Variants in FRAS1 observed in about 807,000 individuals in gnomAD.
The protein encoded by FRAS1 is Fraser extracellular matrix complex subunit 1.
In FRAS1, 290 loss-of-function variants were observed where a neutral mutation model predicts 435.2. The observed-to-expected ratio is 0.67, with a 90% CI of 0.61 to 0.73. The LOEUF (loss-of-function observed/expected upper bound fraction) is 0.73. Among genes scored for constraint, FRAS1 ranks in the 30% least tolerant of loss-of-function variants. The probability of loss-of-function intolerance (pLI) is 0.00; values close to 1 mark genes in which losing one functional copy is unlikely to be tolerated. For synonymous variants in FRAS1, 1,800 were observed against 1,851.0 expected (o/e 0.97, Z 0.71); for missense variants, 4,860 against 5,001.5 (o/e 0.97, Z 0.85).
At chr4:78,274,013 G>A (rs990569427) in intron 9 of FRAS1, among the ~76,000 whole-genome samples, 1 of 152,066 alleles carries the variant, frequency 6.6e-6, no homozygotes, top group African/African-American at 2.4e-5. Flanking sequence ...TTCAATTCAG[G>A]GATTCAACTT....
At chr4:78,121,619 A>C (rs1419869481) in intron 2 of FRAS1, among the ~76,000 whole-genome samples, 1 of 152,226 alleles carries the variant, frequency 6.6e-6, no homozygotes, top group Non-Finnish European at 1.5e-5. Flanking sequence ...TATGTAGGCA[A>C]GGGATGTTTT....
At chr4:78,344,991 G>C (rs1440705750) in intron 20 of FRAS1, among the ~76,000 whole-genome samples, 1 of 152,082 alleles carries the variant, frequency 6.6e-6, no homozygotes, top group South Asian at 2.1e-4. Context: ...GGCAAATATT[G>C]GAAGAATCTA....
intron 32 of FRAS1, among the ~76,000 whole-genome samples, chr4:78,416,244 G>C (rs1267741489): frequency 6.6e-6 from 1 of 151,692 alleles, no homozygotes; most frequent in African/African-American, 2.4e-5. Context: ...GTAGAATGTA[G>C]TCAAAAGAAG....
rs143031924 is a variant in FRAS1 at position 78,485,811 on chromosome 4, G to T, written c.8753-3064G>T. On this transcript the variant is annotated intron_variant, in intron 58 of 73. Transcript: ENST00000512123. ...GTCTTCTGGTTTCATATCCTACTAC[G>T]CTGACTCTTCACATTTCAGTTTCAG... Among the ~76,000 whole-genome samples the T allele has an allele frequency of 3.3e-3, 496 of 152,216 alleles. 5 individuals are homozygous for T. The highest frequency in any genetic ancestry group is 0.011 in the African/African-American group (458 of 41,542).
chr4:78,539,362 T>G lies in FRAS1; in HGVS notation c.11367T>G (p.Ser3789=). The change falls in exon 73 of 74, where the codon TCT becomes TCG. Residue 3789 remains serine (S), a synonymous_variant. Coordinates refer to ENST00000512123, the MANE Select transcript of FRAS1 (RefSeq NM_025074.7). ...HDVPFEAHFA[S]ELPDFHVVSN... ...TGCCTTTTGAGGCTCACTTTGCCTC[T>G]GAGTTGCCTGATTTCCATGTGGTCA... is the stretch of plus-strand genomic sequence containing the variant. 1.9e-6 allele frequency: 3 copies of G among 1,613,240 alleles called. No homozygotes were observed. The highest frequency in any genetic ancestry group is 2.5e-6 in the Non-Finnish European group (3 of 1,179,512).
chr4:78,452,690 T>G (rs1245901949), intron 47 of FRAS1, among the ~76,000 whole-genome samples: 2 of 152,250 alleles, frequency 1.3e-5, no homozygotes, highest in East Asian at 1.9e-4. Context: ...CAAGGCATTC[T>G]GCATGGCTTA....
chr4:78,207,737 A>G (rs1723323420), intron 2 of FRAS1, among the ~76,000 whole-genome samples: 1 of 152,226 alleles, frequency 6.6e-6, no homozygotes, highest in Non-Finnish European at 1.5e-5. Context: ...TCAAGCTCCT[A>G]TAACTTCTTC....
intron 2 of FRAS1, among the ~76,000 whole-genome samples, chr4:78,115,964 T>G (rs1439289765): frequency 6.6e-6 from 1 of 152,228 alleles, no homozygotes; most frequent in African/African-American, 2.4e-5. Context: ...CTTGTGGACA[T>G]TTAGTGCTAT....
intron 2 of FRAS1, among the ~76,000 whole-genome samples, chr4:78,203,980 C>G (rs1430264144): frequency 1.3e-5 from 2 of 152,156 alleles, no homozygotes; most frequent in African/African-American, 4.8e-5. Flanking sequence ...AAACATAGTG[C>G]TAGAGGGCTG....
chr4:78,484,548 G>A (rs1203156352), intron 58 of FRAS1, among the ~76,000 whole-genome samples: 2 of 152,038 alleles, frequency 1.3e-5, no homozygotes, highest in Non-Finnish European at 2.9e-5. Flanking sequence ...CTAACCCAAG[G>A]TAACAAAGAT....
chr4:78,363,470 C>G, intron 20 of FRAS1, 43 bp from the exon 21 acceptor site: 2 of 1,568,692 alleles, frequency 1.3e-6, no homozygotes, highest in Non-Finnish European at 1.7e-6. Context: ...ACTTTGTGCT[C>G]ATGAGCACCC....
At chr4:78,526,807 C>A in intron 70 of FRAS1, 150 bp downstream of exon 70, 2 of 576,666 alleles carry the variant, frequency 3.5e-6, no homozygotes, top group South Asian at 2.5e-5. Flanking sequence ...ACATTTGAGT[C>A]ACTTAACACA....
chr4:78,119,807 G>A (rs1178701954), intron 2 of FRAS1, among the ~76,000 whole-genome samples: 1 of 152,168 alleles, frequency 6.6e-6, no homozygotes, highest in African/African-American at 2.4e-5. Context: ...TTCTGATACT[G>A]GTCCATGGAC....
At chr4:78,409,989 G>C (rs1733270171) in intron 31 of FRAS1, among the ~76,000 whole-genome samples, 1 of 152,202 alleles carries the variant, frequency 6.6e-6, no homozygotes, top group Non-Finnish European at 1.5e-5. Flanking sequence ...TGAGCACACT[G>C]AATTTCCAAT....
At chr4:78,306,335 T>C (rs1016723726) in intron 14 of FRAS1, among the ~76,000 whole-genome samples, 2 of 150,166 alleles carry the variant, frequency 1.3e-5, no homozygotes, top group African/African-American at 4.9e-5. Flanking sequence ...CTGACAATTA[T>C]GCGTCTTGGA....
chr4:78,317,218 C>A, intron 16 of FRAS1, 150 bp from the exon 17 acceptor site: 1 of 817,110 alleles, frequency 1.2e-6, no homozygotes, highest in Non-Finnish European at 2.0e-6. Context: ...GCAGTTCTGG[C>A]AGTGTAACCA....
chr4:78,469,922 T>C (rs952385502), intron 50 of FRAS1, 56 bp from the exon 51 acceptor site: 46 of 1,292,860 alleles, frequency 3.6e-5, no homozygotes, highest in Non-Finnish European at 4.9e-5. Context: ...GCCCTGGACC[T>C]GACATACTTC....
At chr4:78,124,862 A>G (rs932030008) in intron 2 of FRAS1, among the ~76,000 whole-genome samples, 4 of 151,874 alleles carry the variant, frequency 2.6e-5, no homozygotes, top group African/African-American at 4.8e-5. Context: ...TATATCATCT[A>G]TTTGATTCTT....
At chr4:78,363,317 A>G (rs1731147917) in intron 20 of FRAS1, among the ~76,000 whole-genome samples, 196 bp from the exon 21 acceptor site, 1 of 152,184 alleles carries the variant, frequency 6.6e-6, no homozygotes, top group Admixed American at 6.5e-5. Context: ...GGGCCTGGCC[A>G]TTTGCTAAAA....
Sources: allele counts gnomAD v4.1 joint callset (sites outside exome capture counted in the v4.1 genomes callset), GRCh38; gene constraint gnomAD v4.1.1; transcripts MANE v1.5; gene names NCBI Gene and HGNC (gene_info 2026-07-23, HGNC 2026-07-21).